LPP: variants seen among roughly 807,000 people sequenced by gnomAD.
LPP encodes the protein LIM domain containing preferred translocation partner in lipoma.
A neutral mutation model predicts 60.4 loss-of-function variants in LPP; 38 were observed. The observed-to-expected ratio is 0.63, with a 90% confidence interval of 0.49 to 0.83. The LOEUF is 0.83. Ranked by LOEUF, LPP falls within the 40% of genes least tolerant of loss-of-function variation. The pLI is 0.00. For synonymous variants in LPP, 328 were observed against 290.8 expected (o/e 1.13, Z -1.30); for missense variants, 902 against 783.6 (o/e 1.15, Z -1.80).
intron 8 of LPP, among the ~76,000 whole-genome samples, chr3:188,730,612 G>A (rs529562586): frequency 2.6e-5 from 4 of 152,268 alleles, no homozygotes; most frequent in African/African-American, 7.2e-5. Flanking sequence ...AAACTGGATC[G>A]ACATGATAGG....
At chr3:188,774,426 A>G (rs1737063896) in intron 9 of LPP, among the ~76,000 whole-genome samples, 1 of 37,926 alleles carries the variant, frequency 2.6e-5, no homozygotes, top group South Asian at 1.7e-3. Flanking sequence ...CCTTAGGAGC[A>G]AACTCATTTT....
intron 9 of LPP, among the ~76,000 whole-genome samples, chr3:188,779,916 A>C (rs73058764): frequency 0.03 from 4,506 of 152,138 alleles, 203 homozygotes; most frequent in African/African-American, 0.1. Context: ...TCCAACCTAA[A>C]TTTGAGCCTA....
At chr3:188,677,234 A>C (rs780704385) in intron 7 of LPP, among the ~76,000 whole-genome samples, 1 of 152,120 alleles carries the variant, frequency 6.6e-6, no homozygotes, top group Non-Finnish European at 1.5e-5. Flanking sequence ...ATGTTGTTTT[A>C]CTCTGCCAAG....
At chr3:188,531,216 T>TA (rs1436549543) in intron 6 of LPP, among the ~76,000 whole-genome samples, 1 of 152,218 alleles carries the variant, frequency 6.6e-6, no homozygotes, top group Non-Finnish European at 1.5e-5. Context: ...ACTAGTGTGA[T>TA]ACTGTGAAAT....
chr3:188,171,431 C>T (rs1721550886), intron 1 of LPP, among the ~76,000 whole-genome samples: 1 of 152,230 alleles, frequency 6.6e-6, no homozygotes, highest in Non-Finnish European at 1.5e-5. Context: ...CTTCCTTTCT[C>T]ATTCTCCATC....
At chr3:188,470,796 T>TACCGGGTGTCCAGGAAGC (rs1801662037) in intron 4 of LPP, among the ~76,000 whole-genome samples, 4 of 152,102 alleles carry the variant, frequency 2.6e-5, no homozygotes, top group Non-Finnish European at 5.9e-5. Context: ...GAGGAAGCAT[T>TACCGGGTGTCCAGGAAGC]CTGGCAGATT....
chr3:188,864,018 T>C (rs530348762), intron 9 of LPP, among the ~76,000 whole-genome samples: 1 of 146,578 alleles, frequency 6.8e-6, no homozygotes, highest in South Asian at 2.2e-4. Context: ...GGGAAGACAA[T>C]TTCCAGCCAC....
chr3:188,511,236 CTCCCTCACTCCCT>C (rs1247527468), intron 5 of LPP, among the ~76,000 whole-genome samples: 1 of 112,192 alleles, frequency 8.9e-6, no homozygotes, highest in Non-Finnish European at 1.9e-5. Context: ...CCCTTCCTCC[CTCCCTCACTCCCT>C]TCCCTCCCTT....
chr3:188,289,499 T>G (rs1006873004), intron 2 of LPP, among the ~76,000 whole-genome samples: 1 of 152,208 alleles, frequency 6.6e-6, no homozygotes, highest in African/African-American at 2.4e-5. Context: ...TTTTTAACAA[T>G]CATATGAAAT....
At chr3:188,517,567 C>T (rs1166436697) in intron 5 of LPP, among the ~76,000 whole-genome samples, 3 of 152,070 alleles carry the variant, frequency 2.0e-5, no homozygotes, top group African/African-American at 2.4e-5. Context: ...AAGACATCCC[C>T]GAATCTGGGA....
At chr3:188,339,673 T>C (rs998961604) in intron 2 of LPP, among the ~76,000 whole-genome samples, 1 of 152,020 alleles carries the variant, frequency 6.6e-6, no homozygotes, top group African/African-American at 2.4e-5. Flanking sequence ...ATGGGGGAAA[T>C]TGCCCCCATG....
chr3:188,548,047 T>G (rs774632304), intron 6 of LPP, among the ~76,000 whole-genome samples: 3 of 152,164 alleles, frequency 2.0e-5, no homozygotes, highest in Non-Finnish European at 2.9e-5. Flanking sequence ...AGACAGCCAT[T>G]GTTAACGTGG....
At chr3:188,391,390 G>T (rs1043802366) in intron 3 of LPP, among the ~76,000 whole-genome samples, 1 of 152,172 alleles carries the variant, frequency 6.6e-6, no homozygotes, top group Non-Finnish European at 1.5e-5. Flanking sequence ...AGGCACTCAG[G>T]ATTTATTTGC....
At chr3:188,405,190 C>T (rs2049218) in intron 3 of LPP, among the ~76,000 whole-genome samples, 52,232 of 152,120 alleles carry the variant, frequency 0.34, 10,634 homozygotes, top group Middle Eastern at 0.61. Context: ...TTGTCCCAGA[C>T]GTTGGGGCAA....
chr3:188,524,088 C>T (rs1819777525), intron 5 of LPP, among the ~76,000 whole-genome samples: 1 of 152,166 alleles, frequency 6.6e-6, no homozygotes, highest in Non-Finnish European at 1.5e-5. Context: ...CCCCTGCAGC[C>T]CCTTGGCAGA....
chr3:188,198,102 A>G (rs1349006960), intron 1 of LPP, among the ~76,000 whole-genome samples: 1 of 152,216 alleles, frequency 6.6e-6, no homozygotes, highest in Non-Finnish European at 1.5e-5. Context: ...TGTGCCAGTC[A>G]CTGTTCTAGC....
At chr3:188,713,195 A>C (rs1712321440) in intron 8 of LPP, among the ~76,000 whole-genome samples, 1 of 152,212 alleles carries the variant, frequency 6.6e-6, no homozygotes, top group Admixed American at 6.5e-5. Context: ...TCGTCTAGGC[A>C]GTGGTCTTGC....
chr3:188,592,369 TAC>T (rs779668363), intron 6 of LPP, among the ~76,000 whole-genome samples: 13 of 150,704 alleles, frequency 8.6e-5, no homozygotes, highest in Non-Finnish European at 1.8e-4. Flanking sequence ...CACACACACA[TAC>T]ACACAGTCAC....
rs566380003 is a variant in LPP at position 188,848,400 on chromosome 3, C to T, written c.1411-17800C>T. On this transcript the variant is annotated intron_variant, in intron 9 of 11. Transcript: ENST00000617246. ...ATGCAGATCCCACTGATACTGATGT[C>T]GCACTCTTGCTGATGCAGATCCCAC... is the stretch of plus-strand genomic sequence containing the variant. Among the ~76,000 whole-genome samples the T allele has an allele frequency of 1.9e-4, 29 of 152,320 alleles. No homozygotes were observed. In the East Asian group the frequency reaches 4.2e-3, roughly 22 times the overall value.
Sources: gnomAD v4.1 joint callset for allele counts (sites outside exome capture counted in the v4.1 genomes callset) on GRCh38, gnomAD v4.1.1 for gene constraint, MANE v1.5 for transcripts, NCBI Gene and HGNC (gene_info 2026-07-23, HGNC 2026-07-21) for gene names.